The following EPM2A variants were observed in gnomAD, a reference collection of about 807,000 sequenced individuals.
EPM2A encodes EPM2A glucan phosphatase, laforin.
In EPM2A, 21 loss-of-function variants were observed where a neutral mutation model predicts 26.5. The observed-to-expected ratio is 0.79, with a 90% CI of 0.56 to 1.14. The LOEUF (loss-of-function observed/expected upper bound fraction) is 1.14, where lower values mean the gene tolerates loss of function less well. Among genes scored for constraint, EPM2A ranks in the 50% most tolerant of loss-of-function variants. The pLI, the probability that EPM2A is intolerant of heterozygous loss-of-function variation, is 0.00. For missense variants in EPM2A, 458 were observed against 440.8 expected (o/e 1.04, Z -0.35); for synonymous variants, 217 against 177.6 (o/e 1.22, Z -1.76).
At position 145,735,139 on chromosome 6, in the gene EPM2A, T is replaced by C. The variant is rs1192010655; in HGVS notation, c.301+59A>G. On this transcript the variant is annotated intron_variant, in intron 1 of 3. Transcript: ENST00000367519. Reference sequence around the variant, plus strand: ...GGCCTGCCCGAGGCCGAGGCCCCGGTTGGGGGTGCGGGCCGGAGCTCCCGC... The same window carrying C: ...GGCCTGCCCGAGGCCGAGGCCCCGGCTGGGGGTGCGGGCCGGAGCTCCCGC... 40 of 1,322,298 alleles carry C rather than the reference T, an allele frequency of 3.0e-5. 2 individuals carry two copies. In the South Asian group the frequency reaches 4.4e-4, roughly 15 times the overall value. The allele number at this position is 1,322,298 out of a possible 1,614,324, so 81.9% of individuals were successfully genotyped here.
chr6:145,494,801 T>G (rs1779796569), intron 4 of EPM2A, among the ~76,000 whole-genome samples: 1 of 152,220 alleles, frequency 6.6e-6, no homozygotes, highest in African/African-American at 2.4e-5. Context: ...TTTTAGTGAA[T>G]TGCTTAATCA....
chr6:145,537,566 G>A (rs1467270718), intron 2 of EPM2A, among the ~76,000 whole-genome samples: 1 of 145,406 alleles, frequency 6.9e-6, no homozygotes, highest in African/African-American at 2.5e-5. Context: ...GAAGGCAGAT[G>A]TTGTCCTACA....
At chr6:145,480,486 T>C (rs1429998247) in intron 4 of EPM2A, among the ~76,000 whole-genome samples, 1 of 152,062 alleles carries the variant, frequency 6.6e-6, no homozygotes, top group African/African-American at 2.4e-5. Context: ...CTGTAAGAGA[T>C]CTTTTTATAT....
At chr6:145,665,346 C>A (rs1358766677) in intron 2 of EPM2A, among the ~76,000 whole-genome samples, 102 of 70,564 alleles carry the variant, frequency 1.4e-3, no homozygotes, top group African/African-American at 6.2e-3. Context: ...CCACTGATCC[C>A]ACAGAAATAC....
At chr6:145,576,206 A>G (rs1781028990) in intron 2 of EPM2A, among the ~76,000 whole-genome samples, 1 of 152,204 alleles carries the variant, frequency 6.6e-6, no homozygotes, top group Non-Finnish European at 1.5e-5. Context: ...GCTGGCTAAA[A>G]TTACAATTCT....
chr6:145,638,686 A>T (rs1014352788), intron 2 of EPM2A: 5 of 152,254 alleles, frequency 3.3e-5, no homozygotes, highest in Non-Finnish European at 7.3e-5. Context: ...GAAAGATAGA[A>T]AAGTAAGGTT....
At chr6:145,458,490 C>T (rs550757664) in intron 4 of EPM2A, among the ~76,000 whole-genome samples, 203 of 152,212 alleles carry the variant, frequency 1.3e-3, no homozygotes, top group African/African-American at 4.6e-3. Flanking sequence ...ATTTATCTCT[C>T]GAGGCATTAG....
intron 1 of EPM2A, among the ~76,000 whole-genome samples, chr6:145,691,920 C>A (rs1193685061): frequency 6.6e-6 from 1 of 151,796 alleles, no homozygotes; most frequent in Admixed American, 6.6e-5. Flanking sequence ...TCTAAATACA[C>A]CAATGAAAAT....
chr6:145,560,500 T>C (rs1389617143), intron 2 of EPM2A, among the ~76,000 whole-genome samples: 1 of 152,162 alleles, frequency 6.6e-6, no homozygotes, highest in African/African-American at 2.4e-5. Flanking sequence ...TGTAAATAAA[T>C]AGGCATGGCT....
intron 2 of EPM2A, among the ~76,000 whole-genome samples, chr6:145,506,231 T>A (rs759890667): frequency 6.6e-6 from 1 of 152,208 alleles, no homozygotes; most frequent in Non-Finnish European, 1.5e-5. Context: ...TTAAATGAAC[T>A]CCACGTAGTA....
At chr6:145,595,383 G>T (rs1042223588) in intron 2 of EPM2A, among the ~76,000 whole-genome samples, 2 of 151,030 alleles carry the variant, frequency 1.3e-5, no homozygotes, top group African/African-American at 4.9e-5. Flanking sequence ...TATAGGAATA[G>T]ATATTTCTAC....
At chr6:145,452,840 C>T (rs992992458) in intron 4 of EPM2A, among the ~76,000 whole-genome samples, 2 of 152,140 alleles carry the variant, frequency 1.3e-5, no homozygotes, top group African/African-American at 4.8e-5. Context: ...TGAATGTGTG[C>T]ACACTGGGTA....
intron 2 of EPM2A, among the ~76,000 whole-genome samples, chr6:145,519,710 T>C (rs904056583): frequency 2.0e-5 from 3 of 152,140 alleles, no homozygotes; most frequent in Non-Finnish European, 4.4e-5. Flanking sequence ...CCCTTCAGAC[T>C]TTTGAAGATT....
intron 1 of EPM2A, among the ~76,000 whole-genome samples, chr6:145,708,072 C>G (rs540229515): frequency 1.1e-4 from 17 of 152,108 alleles, no homozygotes; most frequent in Middle Eastern, 3.2e-3. Context: ...CAAAGAGACT[C>G]GCACCATTTG....
At chr6:145,489,842 C>A in intron 4 of EPM2A, 1 of 1,445,246 alleles carries the variant, frequency 6.9e-7, no homozygotes, top group Non-Finnish European at 9.7e-7. Context: ...GTTTGTACTT[C>A]CACTGGCACC....
chr6:145,691,595 T>C (rs899271251), intron 1 of EPM2A, among the ~76,000 whole-genome samples: 18 of 152,064 alleles, frequency 1.2e-4, no homozygotes, highest in Admixed American at 1.2e-3. Context: ...CTATTCTACA[T>C]GTATGTAAAG....
chr6:145,626,107 A>T lies in EPM2A; in HGVS notation c.*1309T>A. The T allele has an allele frequency of 9.6e-7, 1 of 1,046,404 alleles. No homozygotes were observed. The highest frequency in any genetic ancestry group is 1.2e-6 in the Non-Finnish European group (1 of 867,748). The allele number at this position is 1,046,404 out of a possible 1,614,324, so 64.8% of individuals were successfully genotyped here. A position where few individuals can be genotyped will look rare whatever the true frequency, so the allele number is the denominator to read the frequency against. ...GATATGATTATATATCACCTTGCAC[A>T]TAGAGGCTCTCAATTAAAAAAACAC... On this transcript the variant is annotated 3_prime_UTR_variant, in exon 4 of 4. Transcript: ENST00000367519.
chr6:145,721,164 T>TA (rs368383255), intron 1 of EPM2A: 28 of 152,190 alleles, frequency 1.8e-4, no homozygotes, highest in African/African-American at 6.5e-4. Context: ...CCCTGTCAAA[T>TA]AAAAAAGAGA....
At chr6:145,513,591 G>T (rs1780085054) in intron 2 of EPM2A, among the ~76,000 whole-genome samples, 1 of 152,136 alleles carries the variant, frequency 6.6e-6, no homozygotes, top group Non-Finnish European at 1.5e-5. Flanking sequence ...GTGATTTCAG[G>T]AGCAAACTCT....
Sources: allele counts gnomAD v4.1 joint callset (sites outside exome capture counted in the v4.1 genomes callset), GRCh38; gene constraint gnomAD v4.1.1; transcripts MANE v1.5; gene names NCBI Gene and HGNC (gene_info 2026-07-23, HGNC 2026-07-21).